The following LIN28B variants were observed in gnomAD, a reference collection of about 807,000 sequenced individuals.
LIN28B encodes lin-28 RNA binding posttranscriptional regulator B, also known as protein lin-28 homolog B.
In LIN28B, 5 loss-of-function variants were observed where a neutral mutation model predicts 21.9. That is an observed-to-expected ratio of 0.23 (90% CI 0.12 to 0.48). The LOEUF is 0.48. LIN28B is among the 20% of genes least tolerant of loss of function. The pLI, the probability that LIN28B is intolerant of heterozygous loss-of-function variation, is 0.98. For missense variants in LIN28B, 245 were observed against 310.5 expected (o/e 0.79, Z 1.58); for synonymous variants, 109 against 111.3 (o/e 0.98, Z 0.13).
chr6:104,949,182 T>C (rs1424260090), intron 2 of LIN28B, among the ~76,000 whole-genome samples: 3 of 152,198 alleles, frequency 2.0e-5, no homozygotes, highest in Admixed American at 1.3e-4. Flanking sequence ...ACAGTTGTGC[T>C]GAAATATTTA....
At chr6:104,948,293 C>A (rs1009812257) in intron 2 of LIN28B, among the ~76,000 whole-genome samples, 3 of 152,020 alleles carry the variant, frequency 2.0e-5, no homozygotes, top group African/African-American at 7.2e-5. Context: ...ATAGTGAAAC[C>A]CCATCTCTAC....
chr6:105,038,907 T>A (rs921685471), intron 3 of LIN28B, among the ~76,000 whole-genome samples: 3 of 152,190 alleles, frequency 2.0e-5, no homozygotes, highest in African/African-American at 4.8e-5. Context: ...AGTCTGACAG[T>A]ACCAAGCATT....
upstream of LIN28B, among the ~76,000 whole-genome samples, chr6:104,956,894 C>T (rs1778297957): frequency 6.6e-6 from 1 of 152,112 alleles, no homozygotes; most frequent in Admixed American, 6.5e-5. Flanking sequence ...CCTAAAGAAG[C>T]GTTCCAAATT....
intron 2 of LIN28B, among the ~76,000 whole-genome samples, chr6:105,014,847 T>C (rs1023499901): frequency 6.6e-6 from 1 of 152,068 alleles, no homozygotes; most frequent in Non-Finnish European, 1.5e-5. Flanking sequence ...AATTTTGATA[T>C]GTTGTTTTTT....
intron 2 of LIN28B, chr6:104,950,353 C>A: frequency 1.8e-6 from 1 of 554,328 alleles, no homozygotes; most frequent in Non-Finnish European, 2.7e-6. Flanking sequence ...GGTCTCTTCA[C>A]AGAGTCAAAA....
intron 2 of LIN28B, among the ~76,000 whole-genome samples, chr6:105,000,900 G>A (rs1051705780): frequency 4.6e-5 from 7 of 152,080 alleles, no homozygotes; most frequent in African/African-American, 1.4e-4. Context: ...TTTGTATTCC[G>A]AGTTTCACCT....
chr6:104,949,192 A>G (rs1778191169), intron 2 of LIN28B, among the ~76,000 whole-genome samples: 2 of 152,222 alleles, frequency 1.3e-5, no homozygotes, highest in South Asian at 4.1e-4. Flanking sequence ...TGAAATATTT[A>G]TGTACAATAA....
chr6:104,964,322 C>A (rs1769813023), intron 2 of LIN28B, among the ~76,000 whole-genome samples: 1 of 152,150 alleles, frequency 6.6e-6, no homozygotes, highest in South Asian at 2.1e-4. Context: ...ACCACTGTGT[C>A]CAGCTTGATG....
intron 2 of LIN28B, among the ~76,000 whole-genome samples, chr6:105,001,575 TAA>T (rs1770722005): frequency 6.6e-6 from 1 of 152,134 alleles, no homozygotes; most frequent in African/African-American, 2.4e-5. Context: ...GTATCAGGAA[TAA>T]AAATATTACC....
intron 3 of LIN28B, among the ~76,000 whole-genome samples, chr6:105,029,431 T>TA (rs1036611074): frequency 6.6e-6 from 1 of 152,136 alleles, no homozygotes; most frequent in African/African-American, 2.4e-5. Flanking sequence ...GGTTCATTCT[T>TA]ACAAACCTGG....
chr6:105,078,278 CAATGATA>C, intron 3 of LIN28B, 129 bp from the exon 4 acceptor site: 1 of 815,898 alleles, frequency 1.2e-6, no homozygotes, highest in Non-Finnish European at 1.9e-6. Context: ...CCAGTATAAA[CAATGATA>C]AATGCTTTTA....
At chr6:105,056,396 TG>T (rs1482339612) in intron 3 of LIN28B, among the ~76,000 whole-genome samples, 1 of 152,154 alleles carries the variant, frequency 6.6e-6, no homozygotes, top group East Asian at 1.9e-4. Context: ...TTTTAGATTA[TG>T]GTAGATCTAT....
At chr6:105,046,218 C>T (rs886354379) in intron 3 of LIN28B, among the ~76,000 whole-genome samples, 3 of 152,054 alleles carry the variant, frequency 2.0e-5, no homozygotes, top group African/African-American at 7.2e-5. Context: ...TTCTTGTGTC[C>T]AAGTGTTCTC....
chr6:104,989,807 G>A (rs1314147277), intron 2 of LIN28B, among the ~76,000 whole-genome samples: 2 of 151,792 alleles, frequency 1.3e-5, no homozygotes, highest in Non-Finnish European at 2.9e-5. Flanking sequence ...GGCCTGGCTG[G>A]TTACGAACTC....
chr6:105,006,601 C>T (rs751074863), intron 2 of LIN28B, among the ~76,000 whole-genome samples: 7 of 152,092 alleles, frequency 4.6e-5, no homozygotes, highest in East Asian at 1.9e-4. Flanking sequence ...TGTGAGCCAC[C>T]GCGCCCAGCC....
At chr6:104,984,448 CTTTCTTT>C (rs1271923079) in intron 2 of LIN28B, among the ~76,000 whole-genome samples, 3 of 151,606 alleles carry the variant, frequency 2.0e-5, no homozygotes, top group Non-Finnish European at 4.4e-5. Context: ...GAGTATATTT[CTTTCTTT>C]TTTCTTTTTT....
chr6:104,938,871 T>C (rs879173205), intron 2 of LIN28B, among the ~76,000 whole-genome samples: 2 of 152,166 alleles, frequency 1.3e-5, no homozygotes, highest in Admixed American at 6.5e-5. Flanking sequence ...GATGGCATGA[T>C]GATAACTAGT....
intron 3 of LIN28B, among the ~76,000 whole-genome samples, chr6:105,038,331 C>T (rs1265276738): frequency 1.3e-5 from 2 of 152,252 alleles, no homozygotes; most frequent in East Asian, 3.9e-4. Flanking sequence ...AAAAGCCAGG[C>T]ACATGTGACT....
chr6:104,976,698 T>C (rs1410348212), intron 2 of LIN28B, among the ~76,000 whole-genome samples: 2 of 152,188 alleles, frequency 1.3e-5, no homozygotes, highest in Non-Finnish European at 2.9e-5. Flanking sequence ...ATTGTCAGCC[T>C]GAGAAGGCAT....
Sources: gnomAD v4.1 joint callset for allele counts (sites outside exome capture counted in the v4.1 genomes callset) on GRCh38, gnomAD v4.1.1 for gene constraint, MANE v1.5 for transcripts, NCBI Gene and HGNC (gene_info 2026-07-23, HGNC 2026-07-21) for gene names.